The following ZW10 variants were observed in gnomAD, a reference collection of about 807,000 sequenced individuals.
The protein encoded by ZW10 is centromere/kinetochore protein zw10 homolog.
In ZW10, 53 loss-of-function variants were observed where a neutral mutation model predicts 87.8. That is an observed-to-expected ratio of 0.60 (90% CI 0.48 to 0.76). The LOEUF is 0.76. Ranked by LOEUF, ZW10 falls within the 30% of genes least tolerant of loss-of-function variation. ZW10 has a pLI of 0.00. For missense variants in ZW10, 837 were observed against 923.0 expected (o/e 0.91, Z 1.21); for synonymous variants, 312 against 329.2 (o/e 0.95, Z 0.57).
intron 1 of ZW10, among the ~76,000 whole-genome samples, chr11:113,773,344 C>T (rs1937663429): frequency 6.6e-6 from 1 of 151,998 alleles, no homozygotes; most frequent in Non-Finnish European, 1.5e-5. Context: ...TCCTCAGTTC[C>T]CAACCCCTGT....
chr11:113,737,286 TA>T (rs1342443265), intron 14 of ZW10, among the ~76,000 whole-genome samples: 1 of 152,190 alleles, frequency 6.6e-6, no homozygotes, highest in Non-Finnish European at 1.5e-5. Context: ...ACTTGCAAAT[TA>T]AATGACTTTA....
At chr11:113,771,480 A>C (rs1232823754) in intron 1 of ZW10, 1 of 152,166 alleles carries the variant, frequency 6.6e-6, no homozygotes, top group Non-Finnish European at 1.5e-5. Flanking sequence ...TGGGTGGTTC[A>C]TTTCAAAGGG....
chr11:113,764,039 A>C (rs1320551571), intron 2 of ZW10, among the ~76,000 whole-genome samples: 1 of 152,134 alleles, frequency 6.6e-6, no homozygotes, highest in Non-Finnish European at 1.5e-5. Flanking sequence ...TTTTTGTGTA[A>C]GGTGTAAGGA....
rs535357239 is a variant in ZW10 at position 113,738,895 on chromosome 11, C to T, written c.1753+318G>A. 2.6e-5 allele frequency among the ~76,000 whole-genome samples: 4 copies of T among 152,218 alleles called. No individual in the cohort carries two copies. In the South Asian group the frequency reaches 8.3e-4, roughly 32 times the overall value. ...CATTAGTGAGCTCTTACCAACAATACAAACAAAATTGTCACATTATAAATC... is the reference window on the plus strand; with the variant it reads ...CATTAGTGAGCTCTTACCAACAATATAAACAAAATTGTCACATTATAAATC... On this transcript the variant is annotated intron_variant, in intron 12 of 15. Coordinates refer to ENST00000200135, the MANE Select transcript of ZW10 (RefSeq NM_004724.4).
intron 9 of ZW10, among the ~76,000 whole-genome samples, chr11:113,745,801 G>A (rs1953671442): frequency 6.6e-6 from 1 of 152,098 alleles, no homozygotes. Flanking sequence ...GTACACATAG[G>A]GGAATAAAGA....
intron 9 of ZW10, 106 bp downstream of exon 9, chr11:113,747,425 C>T (rs1953690352): frequency 5.8e-6 from 6 of 1,026,182 alleles, no homozygotes; most frequent in Non-Finnish European, 7.0e-6. Flanking sequence ...TAACTTGACT[C>T]AGCTCAACAA....
chr11:113,743,752 T>C (rs1182458057), intron 10 of ZW10, 50 bp downstream of exon 10: 1 of 1,352,310 alleles, frequency 7.4e-7, no homozygotes, highest in Non-Finnish European at 1.1e-6. Flanking sequence ...TCTAGTTAGA[T>C]ATGCATTTAA....
Position 113,758,666 on chromosome 11 carries a change from A to G in ZW10, c.621T>C (p.His207=), listed in dbSNP as rs1466060493. Residue 207 remains histidine (H), a synonymous_variant, in exon 6 of 16, where the codon CAT becomes CAC. Transcript: ENST00000200135. ...CTTTGTGCGATTGTTCAGTGTATAA[A>G]TGAAGTTCAGTTTGTAGGTAAGATT... ...SLESYLQTEL[H]LYTEQSHKEE... The G allele has an allele frequency of 3.1e-6, 5 of 1,614,006 alleles. No homozygotes were observed. Among genetic ancestry groups the G allele is most frequent in the Non-Finnish European group, 4.2e-6 (5 of 1,180,018 alleles).
At chr11:113,753,418 T>G (rs1953753664) in intron 7 of ZW10, among the ~76,000 whole-genome samples, 1 of 152,206 alleles carries the variant, frequency 6.6e-6, no homozygotes, top group Non-Finnish European at 1.5e-5. Context: ...TTTGTTTTGT[T>G]TTTTTGAGAT....
chr11:113,743,940 A>C lies in ZW10; in HGVS notation c.1373T>G (p.Val458Gly), dbSNP rs775632590. The part of the protein sequence containing the change: ...QKVSNTQYHE[V>G]MNLEPENTLD... ...TGTATTTTCAGGCTCTAAATTCATC[A>C]CTTCGTGGTACTGAGTATTGGATAC... The change falls in exon 10 of 16, where the codon GTG (valine) becomes GGG (glycine). Residue 458 changes from valine (V) to glycine (G), a missense_variant. Val to Gly is a moderately radical substitution (Grantham distance 109). Coordinates refer to ENST00000200135, the MANE Select transcript of ZW10 (RefSeq NM_004724.4). The C allele has an allele frequency of 2.5e-6, 4 of 1,614,192 alleles. No homozygotes were observed. The South Asian group carries it at 4.4e-5, about 18-fold the overall frequency.
At position 113,760,714 on chromosome 11, in the gene ZW10, A is replaced by G. The variant is rs987050216; in HGVS notation, c.342+103T>C. 36 of 1,295,160 alleles carry G rather than the reference A, an allele frequency of 2.8e-5. 1 individual carries two copies. The highest frequency in any genetic ancestry group is 3.0e-5 in the African/African-American group (2 of 66,170). 80.2% of individuals were successfully genotyped at this position (1,295,160 alleles called of 1,614,324 possible). ...TCTAAAAAAAAAAAAAGAAAGAAAA[A>G]AAAATATGAAGACAAAAAAACCCAT... On this transcript the variant is annotated intron_variant, in intron 3 of 15. Transcript: ENST00000200135.
At chr11:113,742,848 T>G (rs1480229537) in intron 10 of ZW10, among the ~76,000 whole-genome samples, 1 of 152,170 alleles carries the variant, frequency 6.6e-6, no homozygotes, top group Non-Finnish European at 1.5e-5. Flanking sequence ...AGACATGTTC[T>G]TCCTAGAGCA....
At chr11:113,742,399 A>C (rs866892964) in intron 10 of ZW10, among the ~76,000 whole-genome samples, 13 of 152,356 alleles carry the variant, frequency 8.5e-5, no homozygotes, top group Middle Eastern at 3.4e-3. Flanking sequence ...AAAAGCTTAC[A>C]GGGATTTCAT....
chr11:113,738,069 G>C (rs1232591720), intron 13 of ZW10, among the ~76,000 whole-genome samples, 195 bp downstream of exon 13: 1 of 152,050 alleles, frequency 6.6e-6, no homozygotes, highest in African/African-American at 2.4e-5. Context: ...AGATAGTTTC[G>C]TGTTGTCTTG....
At chr11:113,748,668 C>G (rs1411165213) in intron 7 of ZW10, among the ~76,000 whole-genome samples, 2 of 152,154 alleles carry the variant, frequency 1.3e-5, no homozygotes, top group African/African-American at 4.8e-5. Context: ...ATTAAGCCAT[C>G]TACATTATAA....
Position 113,737,445 on chromosome 11 carries a change from A to G in ZW10, c.2016+127T>C, listed in dbSNP as rs1379494545. On this transcript the variant is annotated intron_variant, in intron 14 of 15. Transcript: ENST00000200135. ...AAAACAGATATAAAACAAAACTGAA[A>G]AAAAAAAAAACAGCATGAGTTAGAC... The G allele has an allele frequency of 4.2e-5, 46 of 1,090,798 alleles. 1 individual carries two copies. The highest frequency in any genetic ancestry group is 5.7e-5 in the Non-Finnish European group (45 of 794,872). 67.6% of individuals were successfully genotyped at this position (1,090,798 alleles called of 1,614,324 possible). A position where few individuals can be genotyped will look rare whatever the true frequency, so the allele number is the denominator to read the frequency against.
At position 113,756,735 on chromosome 11, in the gene ZW10, A is replaced by G. The variant is rs577994376; in HGVS notation, c.925+927T>C. Among the ~76,000 whole-genome samples the G allele has an allele frequency of 2.6e-5, 4 of 152,330 alleles. No homozygotes were observed. In the South Asian group the frequency reaches 8.3e-4, roughly 32 times the overall value. On this transcript the variant is annotated intron_variant, in intron 7 of 15. Transcript: ENST00000200135. ...TATAGAGGAGATTCAGGCATCTGAG[A>G]TATTTGGACCAAATCATCTCTCCAA...
At position 113,743,798 on chromosome 11, in the gene ZW10, G is replaced by C; in HGVS notation, c.1511+4C>G. On this transcript the variant is annotated splice_donor_region_variant and intron_variant, in intron 10 of 15. Transcript: ENST00000200135. ...GCCATTTTCACACAACCCAGAATTC[G>C]TACCATTGATCACTACTGGTTGTTG... 1 of 1,607,666 alleles carries C rather than the reference G, an allele frequency of 6.2e-7. No individual in the cohort carries two copies. Among genetic ancestry groups the C allele is most frequent in the Non-Finnish European group, 8.5e-7 (1 of 1,174,222 alleles).
intron 2 of ZW10, among the ~76,000 whole-genome samples, chr11:113,765,078 C>T (rs1953897254): frequency 6.6e-6 from 1 of 152,132 alleles, no homozygotes; most frequent in Non-Finnish European, 1.5e-5. Context: ...TGAACAGAGG[C>T]CAGGGATACT....
Sources: allele counts gnomAD v4.1 joint callset (sites outside exome capture counted in the v4.1 genomes callset), GRCh38; gene constraint gnomAD v4.1.1; transcripts MANE v1.5; gene names NCBI Gene and HGNC (gene_info 2026-07-23, HGNC 2026-07-21).